TPH2: variants seen among roughly 807,000 people sequenced by gnomAD.
The protein encoded by TPH2 is tryptophan hydroxylase 2.
A neutral mutation model predicts 59.1 loss-of-function variants in TPH2; 27 were observed. The observed-to-expected ratio is 0.46, with a 90% confidence interval of 0.34 to 0.63. TPH2 has a LOEUF of 0.63. TPH2 is among the 30% of genes least tolerant of loss of function. TPH2 has a pLI of 0.01. For missense variants in TPH2, 523 were observed against 588.3 expected, an observed-to-expected ratio of 0.89 and a Z score of 1.15; for synonymous variants, 220 against 210.5, an observed-to-expected ratio of 1.05 and a Z score of -0.39.
chr12:71,964,724 G>T (rs1445495957), intron 5 of TPH2: 2 of 985,250 alleles, frequency 2.0e-6, no homozygotes, highest in South Asian at 4.7e-5. Flanking sequence ...CACCTCAGTT[G>T]TGAGACATGC....
chr12:71,962,156 G>A, intron 5 of TPH2: 2 of 987,132 alleles, frequency 2.0e-6, no homozygotes, highest in Non-Finnish European at 2.4e-6. Flanking sequence ...CTACAGATGA[G>A]TCCCCGTCAA....
intron 8 of TPH2, among the ~76,000 whole-genome samples, chr12:71,998,285 C>T (rs575488199): frequency 8.5e-5 from 13 of 152,142 alleles, no homozygotes; most frequent in Admixed American, 3.9e-4. Flanking sequence ...ATAGGCTGCC[C>T]GTTTACTTCG....
intron 8 of TPH2, among the ~76,000 whole-genome samples, chr12:72,019,514 T>G (rs1165022468): frequency 6.6e-6 from 1 of 152,224 alleles, no homozygotes; most frequent in Non-Finnish European, 1.5e-5. Context: ...CTTTTAAAGC[T>G]GTTTGCAGCT....
At chr12:71,998,679 A>G (rs549122050) in intron 8 of TPH2, among the ~76,000 whole-genome samples, 1 of 152,342 alleles carries the variant, frequency 6.6e-6, no homozygotes, top group Admixed American at 6.5e-5. Flanking sequence ...TGGCAGGGAT[A>G]AAAAGTCTAT....
intron 8 of TPH2, 40 bp from the exon 9 acceptor site, chr12:72,022,359 C>T: frequency 1.4e-6 from 2 of 1,451,968 alleles, no homozygotes; most frequent in Middle Eastern, 3.5e-4. Flanking sequence ...TCAAATAACT[C>T]ATTGACCAGT....
At chr12:71,978,851 C>T (rs1872192290) in intron 6 of TPH2, 101 bp from the exon 7 acceptor site, 3 of 1,481,566 alleles carry the variant, frequency 2.0e-6, no homozygotes, top group Middle Eastern at 1.7e-4. Context: ...ACCTTGATTA[C>T]TTTGTTTCTG....
chr12:72,025,637 C>T (rs1873547769), intron 9 of TPH2, among the ~76,000 whole-genome samples: 1 of 152,196 alleles, frequency 6.6e-6, no homozygotes, highest in Non-Finnish European at 1.5e-5. Flanking sequence ...TTGCCCCTCT[C>T]TTATTCTAAT....
intron 5 of TPH2, among the ~76,000 whole-genome samples, chr12:71,969,317 G>C (rs966151446): frequency 1.5e-4 from 23 of 152,042 alleles, no homozygotes; most frequent in African/African-American, 5.3e-4. Flanking sequence ...GATATACAAG[G>C]ATATATCGAA....
intron 8 of TPH2, among the ~76,000 whole-genome samples, chr12:72,012,066 A>G (rs928661789): frequency 1.3e-5 from 2 of 151,986 alleles, no homozygotes; most frequent in Non-Finnish European, 2.9e-5. Context: ...CTGCAGGGCA[A>G]CTCTTCTTGC....
chr12:71,955,596 G>A (rs1410320532), intron 5 of TPH2, among the ~76,000 whole-genome samples: 1 of 152,148 alleles, frequency 6.6e-6, no homozygotes, highest in Non-Finnish European at 1.5e-5. Context: ...CTGTACCTCA[G>A]TTTCCTTATC....
Position 71,941,857 on chromosome 12 carries a change from C to G in TPH2, c.255+124C>G, listed in dbSNP as rs1044587448. 5.4e-6 allele frequency: 6 copies of G among 1,121,096 alleles called. No homozygotes were observed. The East Asian group carries it at 9.6e-5, about 18-fold the overall frequency. The allele number at this position is 1,121,096 out of a possible 1,614,324, so 69.4% of individuals were successfully genotyped here. ...AATGTGGTGAAAGATTCAAAGGAACCAAACTTCGTGAGGCTTTAAAAGGGG... is the reference window on the plus strand; with the variant it reads ...AATGTGGTGAAAGATTCAAAGGAACGAAACTTCGTGAGGCTTTAAAAGGGG... On this transcript the variant is annotated intron_variant, in intron 2 of 10. Transcript: ENST00000333850.
At chr12:71,948,153 A>ATTTAT (rs1381885194) in intron 4 of TPH2, among the ~76,000 whole-genome samples, 1 of 151,658 alleles carries the variant, frequency 6.6e-6, no homozygotes, top group African/African-American at 2.4e-5. Flanking sequence ...TGTGGTAACT[A>ATTTAT]TTTATTTTAT....
intron 8 of TPH2, among the ~76,000 whole-genome samples, chr12:72,012,115 C>T (rs750736542): frequency 6.6e-6 from 1 of 152,120 alleles, no homozygotes; most frequent in Non-Finnish European, 1.5e-5. Flanking sequence ...TTTCTTTCTA[C>T]CTTAACTATT....
intron 8 of TPH2, among the ~76,000 whole-genome samples, chr12:72,018,521 A>G (rs978517621): frequency 6.6e-6 from 1 of 152,220 alleles, no homozygotes; most frequent in Non-Finnish European, 1.5e-5. Flanking sequence ...AAATGTGACC[A>G]TGAATTATGT....
chr12:71,999,190 A>G (rs1253588714), intron 8 of TPH2, among the ~76,000 whole-genome samples: 2 of 152,172 alleles, frequency 1.3e-5, no homozygotes, highest in Non-Finnish European at 2.9e-5. Context: ...TCTCCTTGCT[A>G]TATTTCTATA....
intron 9 of TPH2, 51 bp downstream of exon 9, chr12:72,022,545 C>A: frequency 7.8e-7 from 1 of 1,283,650 alleles, no homozygotes; most frequent in South Asian, 1.2e-5. Flanking sequence ...GGTTCAAGGT[C>A]AGGGAAAATA....
At chr12:71,994,224 A>C (rs909274031) in intron 7 of TPH2, among the ~76,000 whole-genome samples, 1 of 152,244 alleles carries the variant, frequency 6.6e-6, no homozygotes, top group Non-Finnish European at 1.5e-5. Context: ...TTATGTTATT[A>C]AAACATGGTA....
intron 8 of TPH2, among the ~76,000 whole-genome samples, chr12:72,011,707 A>G (rs1873103606): frequency 6.6e-6 from 1 of 152,188 alleles, no homozygotes; most frequent in Non-Finnish European, 1.5e-5. Flanking sequence ...CAGAGTTGCT[A>G]CTTGTAATGA....
chr12:71,979,472 G>T (rs148097066), intron 7 of TPH2, among the ~76,000 whole-genome samples: 21 of 152,298 alleles, frequency 1.4e-4, no homozygotes, highest in Admixed American at 3.9e-4. Flanking sequence ...ACACACCATA[G>T]CAACTCATTA....
Sources: allele counts gnomAD v4.1 joint callset (sites outside exome capture counted in the v4.1 genomes callset), GRCh38; gene constraint gnomAD v4.1.1; transcripts MANE v1.5; gene names NCBI Gene and HGNC (gene_info 2026-07-23, HGNC 2026-07-21).